MAPRE2: variants seen among roughly 807,000 people sequenced by gnomAD.
MAPRE2 encodes the protein microtubule-associated protein RP/EB family member 2.
In MAPRE2, 13 loss-of-function variants were observed where a neutral mutation model predicts 43.2. That is an observed-to-expected ratio of 0.30 (90% confidence interval 0.20 to 0.48). The LOEUF is 0.48. MAPRE2 is among the 20% of genes least tolerant of loss of function. MAPRE2 has a pLI of 0.99. For synonymous variants in MAPRE2, 135 were observed against 148.8 expected, an observed-to-expected ratio of 0.91 and a Z score of 0.68; for missense variants, 161 against 400.2, an observed-to-expected ratio of 0.40 and a Z score of 5.10.
intron 1 of MAPRE2, among the ~76,000 whole-genome samples, chr18:34,980,224 C>T (rs2097015483): frequency 6.6e-6 from 1 of 151,874 alleles, no homozygotes; most frequent in African/African-American, 2.4e-5. Context: ...GGGGTTTCAC[C>T]ATGTTGGCCA....
At chr18:35,004,469 G>A (rs557133976) in intron 1 of MAPRE2, among the ~76,000 whole-genome samples, 1 of 152,218 alleles carries the variant, frequency 6.6e-6, no homozygotes, top group Non-Finnish European at 1.5e-5. Context: ...AACCTCCTCC[G>A]TAACCGTTCA....
chr18:35,116,718 T>G (rs751771211), intron 4 of MAPRE2, among the ~76,000 whole-genome samples: 10 of 152,196 alleles, frequency 6.6e-5, no homozygotes, highest in Non-Finnish European at 1.5e-4. Flanking sequence ...CTCTCTGGTG[T>G]GTTTGTCAGC....
chr18:35,041,482 G>A lies in MAPRE2; in HGVS notation c.-58G>A, dbSNP rs1266731989. The A allele has an allele frequency of 4.3e-6, 7 of 1,612,924 alleles. No homozygotes were observed. Among genetic ancestry groups the A allele is most frequent in the Non-Finnish European group, 5.9e-6 (7 of 1,179,498 alleles). ...GCAGGCGAGCGAGCGGGAAGACGCA[G>A]CCACCTTCCTCACCAGCCAGCCCAC... On this transcript the variant is annotated 5_prime_UTR_variant, in exon 1 of 7. Coordinates refer to ENST00000300249, the MANE Select transcript of MAPRE2 (RefSeq NM_014268.4).
At chr18:35,034,957 T>G (rs1166565555) in intron 2 of MAPRE2, among the ~76,000 whole-genome samples, 1 of 152,010 alleles carries the variant, frequency 6.6e-6, no homozygotes, top group African/African-American at 2.4e-5. Context: ...AGTGTGGTGA[T>G]TCCTCAGGGA....
intron 2 of MAPRE2, among the ~76,000 whole-genome samples, chr18:35,086,189 AT>A (rs1376712385): frequency 6.6e-6 from 1 of 152,026 alleles, no homozygotes; most frequent in African/African-American, 2.4e-5. Context: ...ATCTGGCTTG[AT>A]GTGTTTTTCC....
intron 1 of MAPRE2, among the ~76,000 whole-genome samples, chr18:34,987,774 C>G (rs1340625895): frequency 6.6e-6 from 1 of 152,116 alleles, no homozygotes; most frequent in Non-Finnish European, 1.5e-5. Flanking sequence ...TCTTGAGTAT[C>G]TGGGACTATA....
At chr18:34,978,412 A>G in intron 1 of MAPRE2, 3 of 1,026,440 alleles carry the variant, frequency 2.9e-6, no homozygotes, top group Non-Finnish European at 4.5e-6. Context: ...GTTCGGTCCC[A>G]GCTGGGGTGA....
chr18:34,984,437 C>T (rs2097017957), intron 1 of MAPRE2: 1 of 149,492 alleles, frequency 6.7e-6, no homozygotes, highest in Non-Finnish European at 1.5e-5. Flanking sequence ...AAAGGGATTC[C>T]TTTTTCACCA....
chr18:35,051,164 T>C (rs1485291969), intron 1 of MAPRE2, among the ~76,000 whole-genome samples: 3 of 152,108 alleles, frequency 2.0e-5, no homozygotes, highest in Non-Finnish European at 2.9e-5. Context: ...TCTGCCTCCC[T>C]ACCCCCACCC....
At chr18:35,053,943 A>C (rs1482670658) in intron 1 of MAPRE2, among the ~76,000 whole-genome samples, 1 of 152,224 alleles carries the variant, frequency 6.6e-6, no homozygotes, top group Non-Finnish European at 1.5e-5. Context: ...TAAAGTAAAC[A>C]TTTTAAAAAC....
chr18:35,039,905 C>A (rs887611591), upstream of MAPRE2, among the ~76,000 whole-genome samples: 1 of 152,182 alleles, frequency 6.6e-6, no homozygotes, highest in Admixed American at 6.5e-5. Context: ...TGCTGATAAG[C>A]AAAGAATCCT....
At chr18:34,985,364 A>ATATAAATATATATATAT in intron 1 of MAPRE2, among the ~76,000 whole-genome samples, 1 of 40,702 alleles carries the variant, frequency 2.5e-5, no homozygotes, top group Non-Finnish European at 4.0e-5. Flanking sequence ...TATATAATAT[A>ATATAAATATATATATAT]ATATATAATA....
chr18:35,063,689 A>G (rs1356431159), intron 1 of MAPRE2, among the ~76,000 whole-genome samples: 1 of 151,990 alleles, frequency 6.6e-6, no homozygotes, highest in Non-Finnish European at 1.5e-5. Flanking sequence ...CAGACTTTAG[A>G]TGATATAAAA....
At chr18:35,054,979 A>G (rs1473278923) in intron 1 of MAPRE2, among the ~76,000 whole-genome samples, 1 of 152,216 alleles carries the variant, frequency 6.6e-6, no homozygotes, top group East Asian at 1.9e-4. Context: ...TTAAAATAAA[A>G]TTCTGAAATC....
intron 1 of MAPRE2, among the ~76,000 whole-genome samples, chr18:35,044,509 C>T (rs1173483466): frequency 1.3e-5 from 2 of 152,200 alleles, no homozygotes; most frequent in African/African-American, 4.8e-5. Context: ...GGATTACAGG[C>T]GTGCCCCACT....
intron 1 of MAPRE2, among the ~76,000 whole-genome samples, chr18:34,999,857 A>G (rs28398454): frequency 0.021 from 3,266 of 151,980 alleles, 112 homozygotes; most frequent in African/African-American, 0.074. Context: ...TGCCCTGGGG[A>G]AGTTGCACAG....
At chr18:35,097,041 G>T (rs1250906088) in intron 2 of MAPRE2, among the ~76,000 whole-genome samples, 1 of 152,022 alleles carries the variant, frequency 6.6e-6, no homozygotes, top group East Asian at 1.9e-4. Flanking sequence ...TTCCTCTTAA[G>T]TTTATTTTGA....
intron 1 of MAPRE2, among the ~76,000 whole-genome samples, chr18:35,056,764 C>A (rs546124374): frequency 9.2e-5 from 14 of 152,286 alleles, no homozygotes; most frequent in African/African-American, 3.4e-4. Flanking sequence ...TGCTTATTAA[C>A]TAATTGTTAC....
intron 1 of MAPRE2, among the ~76,000 whole-genome samples, chr18:35,050,793 AC>A (rs1905899100): frequency 6.6e-6 from 1 of 151,682 alleles, no homozygotes; most frequent in African/African-American, 2.4e-5. Context: ...CCTTCATGTG[AC>A]CCCTGTGTGT....
Sources: allele counts gnomAD v4.1 joint callset (sites outside exome capture counted in the v4.1 genomes callset), GRCh38; gene constraint gnomAD v4.1.1; transcripts MANE v1.5; gene names NCBI Gene and HGNC (gene_info 2026-07-23, HGNC 2026-07-21).